Variants in AKAP6 observed in about 807,000 individuals in gnomAD.
AKAP6 encodes the protein A-kinase anchoring protein 6.
Under a neutral mutation model 188.5 loss-of-function variants are expected in AKAP6, and 58 were observed. The observed-to-expected ratio is 0.31, with a 90% CI of 0.25 to 0.38. The LOEUF is 0.38. AKAP6 is among the 10% of genes least tolerant of loss of function. The pLI is 1.00. For missense variants in AKAP6, 2,710 were observed against 2,740.0 expected (o/e 0.99, Z 0.24); for synonymous variants, 989 against 998.6 (o/e 0.99, Z 0.18).
chr14:32,759,760 C>T (rs1276425541), intron 11 of AKAP6, among the ~76,000 whole-genome samples: 1 of 152,068 alleles, frequency 6.6e-6, no homozygotes, highest in African/African-American at 2.4e-5. Flanking sequence ...GTGCCACACA[C>T]TTTTAAATGA....
intron 2 of AKAP6, among the ~76,000 whole-genome samples, chr14:32,505,051 A>G (rs1463752123): frequency 2.0e-5 from 3 of 152,240 alleles, no homozygotes; most frequent in African/African-American, 7.2e-5. Context: ...GGTGCAAGGA[A>G]GTACAGTCCT....
intron 3 of AKAP6, among the ~76,000 whole-genome samples, chr14:32,541,211 G>A (rs1882938102): frequency 6.6e-6 from 1 of 152,112 alleles, no homozygotes; most frequent in African/African-American, 2.4e-5. Flanking sequence ...TTCCTCTGAA[G>A]CATTAAGTGT....
rs745657955 is a variant in AKAP6 at position 32,821,842 on chromosome 14, C to T, written c.4029C>T (p.Ser1343=). ...CTTTGCCAGATCTTCTAGGTGGTTC[C>T]AATTTGGTAAAGCCCTGCGCATGTC... ...TKSLPDLLGG[S]NLVKPCACHG... Residue 1343 remains serine, a synonymous_variant, in exon 13 of 14, where the codon TCC becomes TCT. Transcript: ENST00000280979. 2 of 1,613,800 alleles carry T rather than the reference C, an allele frequency of 1.2e-6. No homozygotes were observed. Among genetic ancestry groups the T allele is most frequent in the Non-Finnish European group, 1.7e-6 (2 of 1,179,930 alleles).
intron 1 of AKAP6, among the ~76,000 whole-genome samples, chr14:32,399,359 A>G (rs1443476052): frequency 6.6e-6 from 1 of 152,204 alleles, no homozygotes; most frequent in Non-Finnish European, 1.5e-5. Flanking sequence ...AGGTTAAAAC[A>G]TGATAAAGAG....
chr14:32,694,390 A>C (rs572207493), intron 8 of AKAP6, among the ~76,000 whole-genome samples: 1 of 150,910 alleles, frequency 6.6e-6, no homozygotes, highest in African/African-American at 2.4e-5. Context: ...AGCGTGGTCC[A>C]TGGACCAGCA....
intron 2 of AKAP6, among the ~76,000 whole-genome samples, chr14:32,521,451 C>G (rs1881828036): frequency 6.6e-6 from 1 of 152,150 alleles, no homozygotes; most frequent in African/African-American, 2.4e-5. Context: ...TCATCTCAGC[C>G]TAAAATCTCC....
In AKAP6 at chr14:32,823,559, G is replaced by A; in HGVS notation, c.5746G>A (p.Val1916Ile). 6.2e-7 allele frequency: 1 copy of A among 1,613,858 alleles called. No homozygotes were observed. Among genetic ancestry groups the A allele is most frequent in the Non-Finnish European group, 8.5e-7 (1 of 1,179,872 alleles). Reference sequence around the variant, plus strand: ...GGGAAAACCGAATGTGACTTCAAAGGTATCAGAAAATCTTGGTTCACATGG... The same window carrying A: ...GGGAAAACCGAATGTGACTTCAAAGATATCAGAAAATCTTGGTTCACATGG... ...QKGKPNVTSK[V>I]SENLGSHGKE... is the part of the protein sequence containing the mutation. The change falls in exon 13 of 14, where the codon GTA (valine) becomes ATA (isoleucine). Residue 1916 changes from valine (V) to isoleucine (I), a missense_variant. Physicochemically the swap from Val to Ile is conservative, Grantham distance 29 (BLOSUM62 3). Coordinates refer to ENST00000280979, the MANE Select transcript of AKAP6 (RefSeq NM_004274.5).
intron 1 of AKAP6, among the ~76,000 whole-genome samples, chr14:32,398,479 C>G (rs1888950966): frequency 6.6e-6 from 1 of 152,158 alleles, no homozygotes; most frequent in Admixed American, 6.6e-5. Flanking sequence ...AGTGGCATTT[C>G]CCTTAGCCAG....
rs2034883019 is a variant in AKAP6 at position 32,837,111 on chromosome 14, T to C, written c.*7306T>C. 6.6e-6 allele frequency: 1 copy of C among 152,172 alleles called. No individual in the cohort carries two copies. Among genetic ancestry groups the C allele is most frequent in the African/African-American group, 2.4e-5 (1 of 41,448 alleles). The allele number at this position is 152,172 out of a possible 1,614,324, so 9.4% of individuals were successfully genotyped here. A position where few individuals can be genotyped will look rare whatever the true frequency, so the allele number is the denominator to read the frequency against. On this transcript the variant is annotated 3_prime_UTR_variant, in exon 14 of 14. Transcript: ENST00000280979. ...TTCATCAACGTTTTAGACTGTACCATTGCTCTTTCTCCCTTCTTTATTCAT... is the reference window on the plus strand; with the variant it reads ...TTCATCAACGTTTTAGACTGTACCACTGCTCTTTCTCCCTTCTTTATTCAT...
rs766910356 is a variant in AKAP6, at chr14:32,821,655, C to G, written c.3842C>G (p.Ser1281Cys). ...TATGCCTCAAATATTACTGCCCCCTCTAGTCCACACATTTACCAGGTGTAC... is the reference window on the plus strand; with the variant it reads ...TATGCCTCAAATATTACTGCCCCCTGTAGTCCACACATTTACCAGGTGTAC... ...SQYASNITAP[S>C]SPHIYQVYSL... The change falls in exon 13 of 14, where the codon TCT becomes TGT. Residue 1281 changes from serine to cysteine, a missense_variant. Transcript: ENST00000280979. The G allele has an allele frequency of 6.8e-6, 11 of 1,613,608 alleles. No homozygotes were observed. Among genetic ancestry groups the G allele is most frequent in the Admixed American group, 5.0e-5 (3 of 59,860 alleles).
chr14:32,333,332 G>A (rs1024449572), intron 1 of AKAP6, among the ~76,000 whole-genome samples: 3 of 152,060 alleles, frequency 2.0e-5, no homozygotes, highest in African/African-American at 7.2e-5. Flanking sequence ...ATGGCAGTTT[G>A]TTTTGATCGC....
chr14:32,462,383 C>T (rs1041167508), intron 2 of AKAP6, among the ~76,000 whole-genome samples: 1 of 152,146 alleles, frequency 6.6e-6, no homozygotes. Flanking sequence ...GCAGATCCCT[C>T]TGCAGAAACC....
At chr14:32,428,739 G>T (rs193298363) in intron 1 of AKAP6, among the ~76,000 whole-genome samples, 64 of 152,250 alleles carry the variant, frequency 4.2e-4, no homozygotes, top group African/African-American at 1.4e-3. Flanking sequence ...TATTCAAGTT[G>T]AATGCATTCT....
Position 32,824,678 on chromosome 14 carries a change from G to A in AKAP6, c.6865G>A (p.Asp2289Asn), listed in dbSNP as rs374550497. 36 of 1,613,798 alleles carry A rather than the reference G, an allele frequency of 2.2e-5. No individual in the cohort carries two copies. The highest frequency in any genetic ancestry group is 3.0e-5 in the Non-Finnish European group (35 of 1,179,922). ...DLSLKANQPT[D>N]KAALHPSPKT... Reference sequence around the variant, plus strand: ...CTCCTTGAAGGCAAATCAGCCAACAGACAAGGCCGCATTGCATCCCAGCCC... The same window carrying A: ...CTCCTTGAAGGCAAATCAGCCAACAAACAAGGCCGCATTGCATCCCAGCCC... The change falls in exon 13 of 14, where the codon GAC becomes AAC. Residue 2289 changes from aspartate to asparagine, a missense_variant. Around this residue, in one of 2 missense-constraint regions of AKAP6, gnomAD observed 2,473 missense variants for 2,426.1 expected, o/e 1.02. Transcript: ENST00000280979.
At position 32,540,373 on chromosome 14, in the gene AKAP6, AT is replaced by A. The variant is rs1290811811; in HGVS notation, c.576+4573del. Among the ~76,000 whole-genome samples the A allele has an allele frequency of 2.0e-5, 3 of 151,282 alleles. No individual in the cohort carries two copies. The East Asian group carries it at 5.8e-4, about 29-fold the overall frequency. ...GCCACCACGCCCAGCTAATTTTTGT[AT>A]TTTTAGTAGAGATGGACTTTTGCCA... is the stretch of plus-strand genomic sequence containing the variant. On this transcript the variant is annotated intron_variant, in intron 3 of 13. Coordinates refer to ENST00000280979, the MANE Select transcript of AKAP6 (RefSeq NM_004274.5).
chr14:32,602,696 T>G (rs890578217), intron 7 of AKAP6, among the ~76,000 whole-genome samples: 4 of 152,230 alleles, frequency 2.6e-5, no homozygotes, highest in Admixed American at 2.6e-4. Context: ...TGCTATTCTA[T>G]AGCACTTCTG....
intron 1 of AKAP6, among the ~76,000 whole-genome samples, chr14:32,425,783 C>T (rs893973302): frequency 6.6e-6 from 1 of 152,144 alleles, no homozygotes; most frequent in Non-Finnish European, 1.5e-5. Flanking sequence ...AAAATTTTCT[C>T]CCATTCAGTA....
chr14:32,335,430 C>T (rs747195295), intron 1 of AKAP6, among the ~76,000 whole-genome samples: 1 of 152,136 alleles, frequency 6.6e-6, no homozygotes, highest in Non-Finnish European at 1.5e-5. Flanking sequence ...TCAGACTCCC[C>T]ACTTCCTCCT....
At chr14:32,774,384 A>G (rs965524196) in intron 12 of AKAP6, among the ~76,000 whole-genome samples, 1 of 152,232 alleles carries the variant, frequency 6.6e-6, no homozygotes, top group Admixed American at 6.5e-5. Context: ...ATGAGTTAAC[A>G]TCATCTATTT....
Sources: allele counts gnomAD v4.1 joint callset (sites outside exome capture counted in the v4.1 genomes callset), GRCh38; gene constraint gnomAD v4.1.1; regional missense constraint gnomAD v4.1.1; transcripts MANE v1.5; gene names NCBI Gene and HGNC (gene_info 2026-07-23, HGNC 2026-07-21).